The following CDK6 variants were observed in gnomAD, a reference collection of about 807,000 sequenced individuals.
CDK6 encodes the protein cyclin dependent kinase 6, also known as cyclin-dependent kinase 6.
A neutral mutation model predicts 37.1 loss-of-function variants in CDK6; 6 were observed. The observed-to-expected ratio is 0.16, with a 90% CI of 0.09 to 0.32. CDK6 has a LOEUF of 0.32. CDK6 is among the 10% of genes least tolerant of loss of function. The pLI is 1.00. For missense variants in CDK6, 224 were observed against 418.9 expected (o/e 0.53, Z 4.06); for synonymous variants, 160 against 161.3 (o/e 0.99, Z 0.06).
intron 3 of CDK6, among the ~76,000 whole-genome samples, chr7:92,770,434 C>G (rs1799684122): frequency 6.7e-6 from 1 of 149,360 alleles, no homozygotes; most frequent in South Asian, 2.1e-4. Context: ...CAGTTCAGGC[C>G]TATACTCTTA....
intron 3 of CDK6, among the ~76,000 whole-genome samples, chr7:92,749,497 A>C (rs1452903426): frequency 1.3e-5 from 2 of 152,156 alleles, no homozygotes; most frequent in Admixed American, 6.5e-5. Flanking sequence ...CCAAAACCAA[A>C]CAAACAAAAG....
At chr7:92,818,999 G>A (rs543144410) in intron 2 of CDK6, among the ~76,000 whole-genome samples, 4 of 152,118 alleles carry the variant, frequency 2.6e-5, no homozygotes, top group African/African-American at 9.6e-5. Flanking sequence ...GTTTGGAGAA[G>A]TTTGACAATT....
At chr7:92,639,823 C>T (rs1013014362) in intron 5 of CDK6, among the ~76,000 whole-genome samples, 5 of 152,190 alleles carry the variant, frequency 3.3e-5, no homozygotes. Flanking sequence ...TCATTTCCAA[C>T]CACAGATTAA....
intron 4 of CDK6, among the ~76,000 whole-genome samples, chr7:92,683,800 C>T (rs879460398): frequency 6.6e-6 from 1 of 152,042 alleles, no homozygotes; most frequent in Non-Finnish European, 1.5e-5. Flanking sequence ...GTGTTTCATG[C>T]TGTTCATTTA....
At chr7:92,795,174 T>C (rs1800377984) in intron 2 of CDK6, among the ~76,000 whole-genome samples, 1 of 152,260 alleles carries the variant, frequency 6.6e-6, no homozygotes, top group Admixed American at 6.5e-5. Context: ...CCTCATGCTT[T>C]CTTTCCTCAG....
intron 5 of CDK6, among the ~76,000 whole-genome samples, chr7:92,648,884 T>A (rs1323223842): frequency 6.6e-6 from 1 of 152,200 alleles, no homozygotes; most frequent in Non-Finnish European, 1.5e-5. Context: ...ATTTGGGATA[T>A]GTAAGTATAA....
rs1227558112 is a variant in CDK6, at chr7:92,609,422, T to A, written c.*5718A>T. 4.3e-6 allele frequency: 1 copy of A among 230,140 alleles called. No homozygotes were observed. The highest frequency in any genetic ancestry group is 6.2e-5 in the East Asian group (1 of 16,130). The allele number at this position is 230,140 out of a possible 1,614,324, so 14.3% of individuals were successfully genotyped here. ...ACACTCCTAAGTTGTTATGCTCATA[T>A]ACTTCAGACTTTTTTTTTTTAATTA... On this transcript the variant is annotated 3_prime_UTR_variant, in exon 8 of 8. Transcript: ENST00000424848.
chr7:92,828,094 A>G (rs1038486761), intron 2 of CDK6, among the ~76,000 whole-genome samples: 3 of 152,106 alleles, frequency 2.0e-5, no homozygotes, highest in African/African-American at 7.2e-5. Flanking sequence ...TTATTAATGA[A>G]TTACCTGCAT....
chr7:92,682,999 C>G (rs563333995), intron 4 of CDK6, among the ~76,000 whole-genome samples: 1 of 152,214 alleles, frequency 6.6e-6, no homozygotes, highest in Non-Finnish European at 1.5e-5. Context: ...CAAACTCATT[C>G]TCTTTGTAGA....
chr7:92,813,776 A>G (rs1314258454), intron 2 of CDK6, among the ~76,000 whole-genome samples: 4 of 152,202 alleles, frequency 2.6e-5, no homozygotes, highest in Non-Finnish European at 5.9e-5. Flanking sequence ...CATGGGGGGA[A>G]ATGCCCCCTT....
Position 92,614,696 on chromosome 7 carries a change from TACACACACACACAC to T in CDK6, c.*430_*443del, listed in dbSNP as rs10552976. 1.3e-5 allele frequency: 3 copies of T among 228,718 alleles called. No individual in the cohort carries two copies. Among genetic ancestry groups the T allele is most frequent in the Non-Finnish European group, 2.6e-5 (3 of 116,626 alleles). 14.2% of individuals were successfully genotyped at this position (228,718 alleles called of 1,614,324 possible). A position where few individuals can be genotyped will look rare whatever the true frequency, so the allele number is the denominator to read the frequency against. On this transcript the variant is annotated 3_prime_UTR_variant, in exon 8 of 8. Coordinates refer to ENST00000424848, the MANE Select transcript of CDK6 (RefSeq NM_001145306.2). ...TTAAAAGATCACAGAATCTCTCACATACACACACACACACACACACACACACACACACATGCACA... is the reference window on the plus strand; with the variant it reads ...TTAAAAGATCACAGAATCTCTCACATACACACACACACACACACATGCACA...
chr7:92,617,684 TG>T (rs1285196457), intron 7 of CDK6, among the ~76,000 whole-genome samples: 1 of 152,174 alleles, frequency 6.6e-6, no homozygotes, highest in African/African-American at 2.4e-5. Context: ...CCCAAAGTTG[TG>T]AATGTTTAAG....
chr7:92,612,611 CCAA>C lies in CDK6; in HGVS notation c.*2526_*2528del, dbSNP rs1259342760. On this transcript the variant is annotated 3_prime_UTR_variant, in exon 8 of 8. Transcript: ENST00000424848. ...TTCTGTGTCATCAGAAGATAATCTG[CCAA>C]CGATTGAATGCCAGAATGTTTGTGC... 4.3e-6 allele frequency: 1 copy of C among 232,964 alleles called. No individual in the cohort carries two copies. Among genetic ancestry groups the C allele is most frequent in the Non-Finnish European group, 8.5e-6 (1 of 117,928 alleles). The allele number at this position is 232,964 out of a possible 1,614,324, so 14.4% of individuals were successfully genotyped here.
intron 3 of CDK6, among the ~76,000 whole-genome samples, chr7:92,758,207 C>G (rs1358774622): frequency 6.6e-6 from 1 of 152,148 alleles, no homozygotes; most frequent in Non-Finnish European, 1.5e-5. Flanking sequence ...AATCTTTGCC[C>G]ATTCCTATGT....
At chr7:92,640,401 C>G (rs1044155912) in intron 5 of CDK6, among the ~76,000 whole-genome samples, 3 of 152,112 alleles carry the variant, frequency 2.0e-5, no homozygotes, top group African/African-American at 7.2e-5. Context: ...TAGGATTTTT[C>G]AATAGATACA....
chr7:92,678,913 T>C (rs1276977191), intron 4 of CDK6, among the ~76,000 whole-genome samples: 2 of 152,238 alleles, frequency 1.3e-5, no homozygotes, highest in Admixed American at 1.3e-4. Flanking sequence ...TGTCTAGAAC[T>C]GACTGTGTTG....
At chr7:92,680,321 A>C (rs1368918655) in intron 4 of CDK6, among the ~76,000 whole-genome samples, 1 of 148,570 alleles carries the variant, frequency 6.7e-6, no homozygotes, top group Non-Finnish European at 1.5e-5. Context: ...AATCCCAGCT[A>C]TTCAGGAGGC....
intron 4 of CDK6, among the ~76,000 whole-genome samples, chr7:92,709,126 C>T (rs1052949892): frequency 8.5e-5 from 13 of 152,154 alleles, no homozygotes; most frequent in Admixed American, 2.0e-4. Flanking sequence ...CGTAGCCCCT[C>T]GTCACACATC....
intron 4 of CDK6, among the ~76,000 whole-genome samples, chr7:92,683,363 TG>T (rs1308344384): frequency 6.6e-6 from 1 of 152,216 alleles, no homozygotes; most frequent in Non-Finnish European, 1.5e-5. Context: ...TGACACAGGT[TG>T]CAAGCAAACC....
Sources: gnomAD v4.1 joint callset for allele counts (sites outside exome capture counted in the v4.1 genomes callset) on GRCh38, gnomAD v4.1.1 for gene constraint, MANE v1.5 for transcripts, NCBI Gene and HGNC (gene_info 2026-07-23, HGNC 2026-07-21) for gene names.